The following TPTE2 variants were observed in gnomAD, a reference collection of about 807,000 sequenced individuals.
The protein encoded by TPTE2 is transmembrane phosphoinositide 3-phosphatase and tensin homolog 2.
Under a neutral mutation model 78.6 loss-of-function variants are expected in TPTE2, and 53 were observed. The observed-to-expected ratio is 0.67, with a 90% CI of 0.54 to 0.85. TPTE2 has a LOEUF of 0.85. Among genes scored for constraint, TPTE2 ranks in the 40% least tolerant of loss-of-function variants. TPTE2 has a pLI of 0.00. For missense variants in TPTE2, 461 were observed against 623.0 expected (o/e 0.74, Z 2.77); for synonymous variants, 175 against 206.2 (o/e 0.85, Z 1.30).
intron 10 of TPTE2, among the ~76,000 whole-genome samples, chr13:19,451,440 G>A (rs1271506096): frequency 6.6e-6 from 1 of 152,174 alleles, no homozygotes; most frequent in Non-Finnish European, 1.5e-5. Flanking sequence ...ACTCAGATGA[G>A]TCTCTATTGT....
chr13:19,463,797 G>T (rs1340359692), intron 10 of TPTE2, among the ~76,000 whole-genome samples: 1 of 152,082 alleles, frequency 6.6e-6, no homozygotes, highest in Admixed American at 6.5e-5. Flanking sequence ...TGATGGTGAG[G>T]GTTTGTGGAG....
In TPTE2 at chr13:19,468,260, C is replaced by T. The variant is rs571540800; in HGVS notation, c.393-916G>A. 5.9e-5 allele frequency among the ~76,000 whole-genome samples: 9 copies of T among 151,882 alleles called. No individual in the cohort carries two copies. In the South Asian group the frequency reaches 1.0e-3, roughly 18 times the overall value. On this transcript the variant is annotated intron_variant, in intron 6 of 19. Coordinates refer to ENST00000400230, the Ensembl canonical transcript of TPTE2. ...TTCTCCATGTTGGTCAGGCTAGTCT[C>T]GAACTCCCGACTTCAGGTGATCTGC...
chr13:19,441,237 G>T (rs1877475056), intron 13 of TPTE2, among the ~76,000 whole-genome samples: 1 of 152,090 alleles, frequency 6.6e-6, no homozygotes, highest in East Asian at 1.9e-4. Flanking sequence ...GGATATCAAG[G>T]TGGCAATAAT....
At chr13:19,538,518 C>G (rs931022746), upstream of TPTE2, among the ~76,000 whole-genome samples, 1 of 151,068 alleles carries the variant, frequency 6.6e-6, no homozygotes, top group Non-Finnish European at 1.5e-5. Flanking sequence ...CCACGCCCAG[C>G]CTTTTTTTTT....
the TPTE2 span, among the ~76,000 whole-genome samples, chr13:19,557,845 T>C: frequency 3.3e-5 from 5 of 152,210 alleles, no homozygotes; most frequent in Admixed American, 2.6e-4. Flanking sequence ...GTTTAATTTT[T>C]AATTTATTAG....
intron 10 of TPTE2, among the ~76,000 whole-genome samples, chr13:19,458,137 T>C (rs2137547031): frequency 6.6e-6 from 1 of 152,344 alleles, no homozygotes; most frequent in Non-Finnish European, 1.5e-5. Context: ...TTGAACATTA[T>C]TAACAAAGTC....
intron 15 of TPTE2, among the ~76,000 whole-genome samples, chr13:19,435,859 G>T (rs1466996280): frequency 2.0e-5 from 3 of 151,984 alleles, no homozygotes; most frequent in Non-Finnish European, 2.9e-5. Flanking sequence ...GTAAGGGTTT[G>T]TGAAAGACTT....
In TPTE2 at chr13:19,473,365, T is replaced by G. The variant is rs575193068; in HGVS notation, c.392+549A>C. Among the ~76,000 whole-genome samples the G allele has an allele frequency of 2.2e-4, 33 of 152,260 alleles. 1 individual carries two copies. The East Asian group carries it at 5.0e-3, about 23-fold the overall frequency. On this transcript the variant is annotated intron_variant, in intron 6 of 19. Transcript: ENST00000400230. Reference sequence around the variant, plus strand: ...GGAATCAGGGCCTAGATCAAAAACTTTAAAAGTCTACCTAGTGTTTTATTG... The same window carrying G: ...GGAATCAGGGCCTAGATCAAAAACTGTAAAAGTCTACCTAGTGTTTTATTG...
the TPTE2 span, among the ~76,000 whole-genome samples, chr13:19,542,608 C>G: frequency 1.3e-5 from 2 of 152,032 alleles, no homozygotes; most frequent in Non-Finnish European, 2.9e-5. Flanking sequence ...TATTCCATTT[C>G]TAATGTGAAG....
At chr13:19,522,729 TCTC>T (rs528140309) in intron 1 of TPTE2, among the ~76,000 whole-genome samples, 3 of 151,240 alleles carry the variant, frequency 2.0e-5, no homozygotes, top group Admixed American at 2.0e-4. Flanking sequence ...TTCACGCCAT[TCTC>T]CTGCCTCAGC....
intron 1 of TPTE2, among the ~76,000 whole-genome samples, chr13:19,531,064 A>G (rs1280045542): frequency 6.6e-6 from 1 of 152,078 alleles, no homozygotes; most frequent in Non-Finnish European, 1.5e-5. Context: ...GAATTTGCCT[A>G]TTCTAGGTGT....
At chr13:19,479,956 G>A (rs1447665918) in intron 4 of TPTE2, among the ~76,000 whole-genome samples, 5 of 148,774 alleles carry the variant, frequency 3.4e-5, no homozygotes, top group South Asian at 4.2e-4. Context: ...GCGAGACTCC[G>A]GCTCAAAAAA....
upstream of TPTE2, among the ~76,000 whole-genome samples, chr13:19,538,834 AT>A (rs1871354709): frequency 6.6e-6 from 1 of 152,126 alleles, no homozygotes; most frequent in African/African-American, 2.4e-5. Flanking sequence ...AACATTTTAA[AT>A]CTTGTTTGTC....
intron 16 of TPTE2, among the ~76,000 whole-genome samples, chr13:19,431,127 CAAAA>C (rs71092354): frequency 1.2e-5 from 1 of 85,474 alleles, no homozygotes; most frequent in Non-Finnish European, 2.4e-5. Context: ...ACTCTGTCTC[CAAAA>C]AAAAAAAAAG....
At chr13:19,423,112 T>C in exon 20 of TPTE2, 1 of 1,612,366 alleles carries the variant, frequency 6.2e-7, no homozygotes. Context: ...GGATAAATTT[T>C]CCATGCTTTT....
chr13:19,455,242 C>G (rs2137540582), intron 10 of TPTE2, among the ~76,000 whole-genome samples: 1 of 152,304 alleles, frequency 6.6e-6, no homozygotes, highest in South Asian at 2.1e-4. Flanking sequence ...TAGTCTCTGA[C>G]TATAGAGCAG....
At chr13:19,513,648 AATCT>A (rs1869604178) in intron 1 of TPTE2, among the ~76,000 whole-genome samples, 1 of 152,156 alleles carries the variant, frequency 6.6e-6, no homozygotes, top group South Asian at 2.1e-4. Flanking sequence ...TTCTCATGTA[AATCT>A]ATTATTTGGC....
chr13:19,488,634 C>T (rs1479846816), intron 3 of TPTE2, among the ~76,000 whole-genome samples: 2 of 152,194 alleles, frequency 1.3e-5, no homozygotes, highest in African/African-American at 4.8e-5. Flanking sequence ...CTTACCTCTC[C>T]CAGGCTTCAT....
chr13:19,498,020 C>T (rs1284168501), intron 1 of TPTE2, among the ~76,000 whole-genome samples: 6 of 150,846 alleles, frequency 4.0e-5, no homozygotes, highest in African/African-American at 7.3e-5. Context: ...CCTCAGGAGC[C>T]GATGCGATCA....
Sources: allele counts gnomAD v4.1 joint callset (sites outside exome capture counted in the v4.1 genomes callset), GRCh38; gene constraint gnomAD v4.1.1; transcripts MANE v1.5; gene names NCBI Gene and HGNC (gene_info 2026-07-23, HGNC 2026-07-21).